UNC79: variants seen among roughly 807,000 people sequenced by gnomAD.
The protein encoded by UNC79 is protein unc-79 homolog.
In UNC79, 37 loss-of-function variants were observed where a neutral mutation model predicts 283.1. That is an observed-to-expected ratio of 0.13 (90% CI 0.10 to 0.17). UNC79 has a LOEUF of 0.17. UNC79 is among the 10% of genes least tolerant of loss of function. The pLI is 1.00. For synonymous variants in UNC79, 1,107 were observed against 1,200.2 expected (o/e 0.92, Z 1.61); for missense variants, 2,272 against 3,211.1 (o/e 0.71, Z 7.07).
At chr14:93,615,720 CAAA>C (rs1158073507) in intron 27 of UNC79, among the ~76,000 whole-genome samples, 975 of 22,856 alleles carry the variant, frequency 0.043, 2 homozygotes, top group Middle Eastern at 0.14. Flanking sequence ...GACTCCATCT[CAAA>C]AAAAAAAAAA....
chr14:93,624,785 G>A (rs1009483558), intron 30 of UNC79, among the ~76,000 whole-genome samples: 3 of 152,040 alleles, frequency 2.0e-5, no homozygotes, highest in Non-Finnish European at 4.4e-5. Flanking sequence ...AAGGAGTCCC[G>A]TGTGCTCAGA....
At chr14:93,552,992 T>C (rs777079151) in intron 14 of UNC79, among the ~76,000 whole-genome samples, 128 of 152,204 alleles carry the variant, frequency 8.4e-4, no homozygotes, top group Non-Finnish European at 1.5e-3. Context: ...AACCTCAATT[T>C]TTAGAAAAGC....
intron 1 of UNC79, among the ~76,000 whole-genome samples, chr14:93,457,594 G>A (rs887397477): frequency 3.9e-5 from 6 of 152,226 alleles, no homozygotes; most frequent in Admixed American, 1.3e-4. Flanking sequence ...AAAAGAGGCC[G>A]AAGGTGAAAC....
intron 1 of UNC79, among the ~76,000 whole-genome samples, chr14:93,352,189 A>G (rs1224956137): frequency 6.6e-6 from 1 of 152,236 alleles, no homozygotes; most frequent in Non-Finnish European, 1.5e-5. Flanking sequence ...ACCTGCTCCT[A>G]GGCCCTTTAC....
At chr14:93,611,018 A>C (rs978867837) in intron 26 of UNC79, among the ~76,000 whole-genome samples, 1 of 152,236 alleles carries the variant, frequency 6.6e-6, no homozygotes, top group African/African-American at 2.4e-5. Flanking sequence ...TATATTATGA[A>C]CCACATGCTG....
In UNC79 at chr14:93,430,929, G is replaced by A. The variant is rs1342614965; in HGVS notation, c.-101G>A. On this transcript the variant is annotated 5_prime_UTR_variant, in exon 1 of 49. Coordinates refer to ENST00000555664, the Ensembl canonical transcript of UNC79. This position sits in a 1 kb window ranked among gnomAD's most constrained non-coding sequence, Gnocchi z 4.6. ...GGAGGGGGAAAGCGAGGGGGTGGGG[G>A]GTGGGGGGTATGCACTCTTTTCCTC... 4 of 437,898 alleles carry A rather than the reference G, an allele frequency of 9.1e-6. 1 individual carries two copies. The highest frequency in any genetic ancestry group is 6.6e-5 in the South Asian group (4 of 60,842). 27.1% of individuals were successfully genotyped at this position (437,898 alleles called of 1,614,324 possible).
intron 29 of UNC79, among the ~76,000 whole-genome samples, chr14:93,620,221 T>C (rs193244174): frequency 3.5e-4 from 54 of 152,342 alleles, no homozygotes; most frequent in African/African-American, 1.3e-3. Flanking sequence ...CTTACTTTAA[T>C]AGGAGGAAAT....
At chr14:93,687,907 C>G (rs2074376054) in intron 43 of UNC79, among the ~76,000 whole-genome samples, 1 of 152,106 alleles carries the variant, frequency 6.6e-6, no homozygotes, top group Non-Finnish European at 1.5e-5. Flanking sequence ...TAATCTCACC[C>G]TCTGATTTTA....
intron 46 of UNC79, 141 bp downstream of exon 49, chr14:93,692,087 G>A: frequency 7.1e-6 from 7 of 988,966 alleles, no homozygotes; most frequent in Non-Finnish European, 1.0e-5. Context: ...TTATAAGCTG[G>A]ATGTTCTGCT....
intron 42 of UNC79, among the ~76,000 whole-genome samples, chr14:93,684,538 G>C (rs1268271823): frequency 6.6e-6 from 1 of 152,076 alleles, no homozygotes; most frequent in East Asian, 1.9e-4. Flanking sequence ...ATTGGAAAAT[G>C]CTTATGATGT....
chr14:93,655,429 A>AT (rs777701222), intron 38 of UNC79, 22 bp downstream of exon 41: 1 of 1,607,164 alleles, frequency 6.2e-7, no homozygotes, highest in Admixed American at 1.7e-5. Flanking sequence ...CGAAGGTTTC[A>AT]TTTTCAATTA....
chr14:93,373,638 A>G (rs1435587185), intron 1 of UNC79, among the ~76,000 whole-genome samples: 1 of 152,212 alleles, frequency 6.6e-6, no homozygotes, highest in African/African-American at 2.4e-5. Flanking sequence ...AGAAAACACC[A>G]AGCCCAGATG....
At chr14:93,410,750 C>T (rs1473530456) in intron 1 of UNC79, among the ~76,000 whole-genome samples, 3 of 152,156 alleles carry the variant, frequency 2.0e-5, no homozygotes, top group Non-Finnish European at 4.4e-5. Context: ...CCAGTCCTGG[C>T]AGTACCCATT....
intron 33 of UNC79, among the ~76,000 whole-genome samples, chr14:93,642,687 CT>C (rs574437646): frequency 2.0e-5 from 3 of 152,120 alleles, no homozygotes; most frequent in Non-Finnish European, 2.9e-5. Flanking sequence ...CACTCCATTT[CT>C]TTTCTTTTTT....
At chr14:93,609,652 G>GA (rs2066154288) in intron 26 of UNC79, among the ~76,000 whole-genome samples, 1 of 152,136 alleles carries the variant, frequency 6.6e-6, no homozygotes, top group Non-Finnish European at 1.5e-5. Flanking sequence ...TGTTTTCTTA[G>GA]AGAAAATGCT....
At chr14:93,705,767 A>C (rs2075837385) in intron 48 of UNC79, among the ~76,000 whole-genome samples, 1 of 152,242 alleles carries the variant, frequency 6.6e-6, no homozygotes, top group Non-Finnish European at 1.5e-5. Context: ...TGTAGCACTA[A>C]GAGTGTCAGG....
chr14:93,621,034 TC>T lies in UNC79; in HGVS notation c.4388-586del. The T allele has an allele frequency of 2.0e-6, 1 of 512,730 alleles. No individual in the cohort carries two copies. Among genetic ancestry groups the T allele is most frequent in the Non-Finnish European group, 3.9e-6 (1 of 257,042 alleles). 31.8% of individuals were successfully genotyped at this position (512,730 alleles called of 1,614,324 possible). On this transcript the variant is annotated intron_variant, in intron 29 of 48. Transcript: ENST00000555664. The surrounding 1 kb of genome is among the most constrained non-coding windows in gnomAD (Gnocchi z 4.8). ...AATATCAGCCGGTTGAGATGAATGT[TC>T]AGAGAAGTATGAATTTTTTCTCTTA...
chr14:93,396,659 T>C (rs2055003917), intron 1 of UNC79, among the ~76,000 whole-genome samples: 4 of 152,276 alleles, frequency 2.6e-5, no homozygotes, highest in Middle Eastern at 6.8e-3. Flanking sequence ...CTATATTCTA[T>C]GTGGCTATTG....
At chr14:93,648,341 G>A (rs551798213) in intron 35 of UNC79, among the ~76,000 whole-genome samples, 1 of 152,276 alleles carries the variant, frequency 6.6e-6, no homozygotes, top group Non-Finnish European at 1.5e-5. Context: ...TTGAAAATAG[G>A]TTATGGGGAA....
Sources: allele counts gnomAD v4.1 joint callset (sites outside exome capture counted in the v4.1 genomes callset), GRCh38; gene constraint gnomAD v4.1.1; non-coding constraint Gnocchi (gnomAD v3.1); transcripts MANE v1.5; gene names NCBI Gene and HGNC (gene_info 2026-07-23, HGNC 2026-07-21).